Variants in GADL1 observed in about 807,000 individuals in gnomAD.
GADL1 encodes the protein GAD like acidic amino acid decarboxylase 1.
In GADL1, 71 loss-of-function variants were observed where a neutral mutation model predicts 69.5. The ratio of observed to expected loss-of-function variants is 1.02; its 90% CI spans 0.84 to 1.25. The LOEUF (loss-of-function observed/expected upper bound fraction) is 1.25, where lower values mean the gene tolerates loss of function less well. Among genes scored for constraint, GADL1 ranks in the 50% most tolerant of loss-of-function variants. The pLI, the probability that GADL1 is intolerant of heterozygous loss-of-function variation, is 0.00. For missense variants in GADL1, 737 were observed against 631.8 expected (o/e 1.17, Z -1.79); for synonymous variants, 254 against 214.4 (o/e 1.18, Z -1.62).
chr3:30,757,235 CTCAA>C (rs371603142), intron 14 of GADL1, among the ~76,000 whole-genome samples: 22 of 152,266 alleles, frequency 1.4e-4, no homozygotes, highest in African/African-American at 4.8e-4. Flanking sequence ...AGTATGCTGT[CTCAA>C]TCAAGAGTCA....
chr3:30,824,423 C>T (rs1575222171), intron 11 of GADL1, among the ~76,000 whole-genome samples: 1 of 151,470 alleles, frequency 6.6e-6, no homozygotes, highest in Non-Finnish European at 1.5e-5. Flanking sequence ...AAGAAAATTC[C>T]TAAATGTGGT....
At chr3:30,872,529 C>T (rs970715126) in intron 1 of GADL1, among the ~76,000 whole-genome samples, 9 of 151,802 alleles carry the variant, frequency 5.9e-5, no homozygotes, top group African/African-American at 1.7e-4. Flanking sequence ...AAATAGAAGG[C>T]CTGTTTTTAG....
Position 30,861,709 on chromosome 3 carries a change from C to A in GADL1, c.94G>T (p.Gly32Trp). 2 of 1,549,596 alleles carry A rather than the reference C, an allele frequency of 1.3e-6. No homozygotes were observed. Among genetic ancestry groups the A allele is most frequent in the South Asian group, 2.4e-5 (2 of 83,800 alleles). The change falls in exon 2 of 15, where the codon GGG becomes TGG. Residue 32 changes from glycine (G) to tryptophan (W), a missense_variant. Physicochemically the swap from Gly to Trp is radical, Grantham distance 184. Transcript: ENST00000282538. ...PSKKNAVLVD[G>W]VVLNGPTTDA... ...GTTGTAGGACCATTCAGCACAACCC[C>A]ATCCACAAGAACAGCATTCTTCTTA...
intron 11 of GADL1, among the ~76,000 whole-genome samples, chr3:30,804,292 C>T (rs1036321412): frequency 1.3e-5 from 2 of 149,296 alleles, no homozygotes; most frequent in East Asian, 4.0e-4. Context: ...AGCCTGAAAA[C>T]CAAAGCTTCC....
intron 14 of GADL1, among the ~76,000 whole-genome samples, chr3:30,750,645 ACT>A (rs915522533): frequency 1.8e-5 from 1 of 55,020 alleles, no homozygotes; most frequent in African/African-American, 5.8e-5. Context: ...TCTTGCAGCC[ACT>A]TTTTTTTTTT....
chr3:30,893,582 G>A (rs1431809102), intron 1 of GADL1, among the ~76,000 whole-genome samples: 1 of 151,962 alleles, frequency 6.6e-6, no homozygotes, highest in Non-Finnish European at 1.5e-5. Flanking sequence ...ACTTCTAAGT[G>A]CCAGGTTTTA....
At chr3:30,781,630 A>C (rs759347351) in intron 13 of GADL1, among the ~76,000 whole-genome samples, 14 of 152,182 alleles carry the variant, frequency 9.2e-5, no homozygotes, top group Non-Finnish European at 1.8e-4. Context: ...TAAGTTTTGG[A>C]GTTGCAAGGA....
At chr3:30,790,549 G>T (rs866281712) in intron 12 of GADL1, among the ~76,000 whole-genome samples, 1 of 152,110 alleles carries the variant, frequency 6.6e-6, no homozygotes, top group African/African-American at 2.4e-5. Flanking sequence ...AGTATTTCCT[G>T]TATTAACCAT....
chr3:30,741,464 C>G (rs1162447242), intron 14 of GADL1, among the ~76,000 whole-genome samples: 1 of 151,926 alleles, frequency 6.6e-6, no homozygotes, highest in Non-Finnish European at 1.5e-5. Flanking sequence ...CTATAAATAA[C>G]TTGGGCCTAA....
intron 1 of GADL1, among the ~76,000 whole-genome samples, chr3:30,863,086 C>CTA (rs1698345841): frequency 6.6e-6 from 1 of 151,460 alleles, no homozygotes; most frequent in Admixed American, 6.6e-5. Flanking sequence ...CACTCTCTCT[C>CTA]TCTCTCGTAA....
intron 14 of GADL1, 52 bp from the exon 15 acceptor site, chr3:30,728,467 T>G (rs899539945): frequency 4.8e-6 from 7 of 1,457,588 alleles, no homozygotes; most frequent in Non-Finnish European, 5.7e-6. Context: ...ATCAAGGCAT[T>G]TCAATAGCAT....
At chr3:30,872,975 T>C (rs1698513253) in intron 1 of GADL1, among the ~76,000 whole-genome samples, 2 of 151,910 alleles carry the variant, frequency 1.3e-5, no homozygotes, top group Admixed American at 1.3e-4. Flanking sequence ...CCAGTTACTG[T>C]CAGACAATAA....
At chr3:30,874,605 A>T (rs1390880081) in intron 1 of GADL1, among the ~76,000 whole-genome samples, 5 of 151,910 alleles carry the variant, frequency 3.3e-5, no homozygotes, top group African/African-American at 7.2e-5. Context: ...AGCCTGTGTA[A>T]CCCCTTCTAA....
chr3:30,748,596 A>G (rs1469223642), intron 14 of GADL1, among the ~76,000 whole-genome samples: 1 of 152,218 alleles, frequency 6.6e-6, no homozygotes, highest in Non-Finnish European at 1.5e-5. Flanking sequence ...GTTAAACAAT[A>G]TATGTGTAAG....
intron 8 of GADL1, among the ~76,000 whole-genome samples, chr3:30,842,263 T>C (rs1024380091): frequency 1.3e-5 from 2 of 152,176 alleles, no homozygotes; most frequent in Non-Finnish European, 2.9e-5. Flanking sequence ...AACAAAACTA[T>C]GGTATGTTGT....
In GADL1 at chr3:30,786,361, C is replaced by G; in HGVS notation, c.1296G>C (p.Leu432=). 3 of 1,557,632 alleles carry G rather than the reference C, an allele frequency of 1.9e-6. No individual in the cohort carries two copies. Among genetic ancestry groups the G allele is most frequent in the Non-Finnish European group, 2.7e-6 (3 of 1,129,870 alleles). ...EIKKREGFKL[L]MEPEYANICF... ...CAATTATGCAATCACTTACTTCCAT[C>G]AGTAACTTGAATCCTTCTCTTTTCT... The change falls in exon 13 of 15, where the codon CTG becomes CTC. Residue 432 remains leucine (L), a synonymous_variant. Coordinates refer to ENST00000282538, the MANE Select transcript of GADL1 (RefSeq NM_207359.3).
rs769423244 is a variant in GADL1 at position 30,859,022 on chromosome 3, T to C, written c.211-1881A>G. 2.6e-5 allele frequency among the ~76,000 whole-genome samples: 4 copies of C among 151,966 alleles called. No individual in the cohort carries two copies. In the East Asian group the frequency reaches 7.8e-4, roughly 30 times the overall value. ...GCTAAGAAGCCGAATTAGATAGACT[T>C]GAAGTGCTCATGGAATTTATCAACA... On this transcript the variant is annotated intron_variant, in intron 2 of 14. Transcript: ENST00000282538.
At chr3:30,738,914 G>T (rs963336105) in intron 14 of GADL1, among the ~76,000 whole-genome samples, 1 of 152,116 alleles carries the variant, frequency 6.6e-6, no homozygotes, top group Non-Finnish European at 1.5e-5. Flanking sequence ...CTTTCTCTGA[G>T]AATTCTATTA....
At chr3:30,866,850 C>G (rs971200000) in intron 1 of GADL1, among the ~76,000 whole-genome samples, 3 of 152,170 alleles carry the variant, frequency 2.0e-5, no homozygotes, top group African/African-American at 7.2e-5. Context: ...ATTTTACTGA[C>G]CATTCCAGAA....
Sources: gnomAD v4.1 joint callset for allele counts (sites outside exome capture counted in the v4.1 genomes callset) on GRCh38, gnomAD v4.1.1 for gene constraint, MANE v1.5 for transcripts, NCBI Gene and HGNC (gene_info 2026-07-23, HGNC 2026-07-21) for gene names.